The following RSF1 variants were observed in gnomAD, a reference collection of about 807,000 sequenced individuals.
The protein encoded by RSF1 is HBV pX-associated protein 8.
RSF1 carries 13 observed loss-of-function variants against 145.2 expected under a neutral mutation model. That is an observed-to-expected ratio of 0.09 (90% CI 0.06 to 0.14). The LOEUF (loss-of-function observed/expected upper bound fraction) is 0.14, where lower values mean the gene tolerates loss of function less well. Ranked by LOEUF, RSF1 falls within the 10% of genes least tolerant of loss-of-function variation. The pLI is 1.00. For synonymous variants in RSF1, 577 were observed against 592.6 expected, an observed-to-expected ratio of 0.97 and a Z score of 0.38; for missense variants, 1,517 against 1,718.2, an observed-to-expected ratio of 0.88 and a Z score of 2.07.
At chr11:77,745,189 T>C (rs1185052298) in intron 3 of RSF1, among the ~76,000 whole-genome samples, 1 of 152,152 alleles carries the variant, frequency 6.6e-6, no homozygotes, top group South Asian at 2.1e-4. Context: ...TAGCTAAAGG[T>C]TGTCAGTTTT....
chr11:77,785,654 T>G (rs1948446787), intron 1 of RSF1, among the ~76,000 whole-genome samples: 1 of 151,534 alleles, frequency 6.6e-6, no homozygotes, highest in South Asian at 2.1e-4. Flanking sequence ...GATATGAATT[T>G]TTAAAAGAGC....
chr11:77,869,239 T>G, the RSF1 span: 1 of 187,614 alleles, frequency 5.3e-6, no homozygotes, highest in Admixed American at 5.7e-5. Context: ...CAAAAGGTCC[T>G]GAGCCTTTTA....
chr11:77,820,504 C>T (rs1264075430), intron 1 of RSF1, 24 bp downstream of exon 1: 4 of 1,544,980 alleles, frequency 2.6e-6, no homozygotes, highest in Admixed American at 4.0e-5. Context: ...CGCTTCCCGC[C>T]GGGCGTTCGG....
At chr11:77,838,220 G>C in the RSF1 span, among the ~76,000 whole-genome samples, 1 of 152,200 alleles carries the variant, frequency 6.6e-6, no homozygotes, top group Non-Finnish European at 1.5e-5. Flanking sequence ...GATGTAGACT[G>C]TGACTGTTAG....
At chr11:77,824,081 G>C (rs145685933), upstream of RSF1, among the ~76,000 whole-genome samples, 1 of 152,212 alleles carries the variant, frequency 6.6e-6, no homozygotes, top group Non-Finnish European at 1.5e-5. Context: ...CCAAAGATAA[G>C]AAGTGTTTTG....
chr11:77,865,046 T>C, the RSF1 span, among the ~76,000 whole-genome samples: 2 of 152,202 alleles, frequency 1.3e-5, no homozygotes, highest in Non-Finnish European at 2.9e-5. Flanking sequence ...TGGACCCATA[T>C]AGTTGAATTC....
intron 4 of RSF1, chr11:77,734,338 AG>A (rs1261599729): frequency 3.8e-6 from 2 of 523,760 alleles, no homozygotes; most frequent in Non-Finnish European, 6.7e-6. Flanking sequence ...CTTCATCTGA[AG>A]GAATGGCACA....
upstream of RSF1, among the ~76,000 whole-genome samples, chr11:77,823,613 C>A (rs1020830872): frequency 7.7e-6 from 1 of 130,456 alleles, no homozygotes; most frequent in African/African-American, 2.9e-5. Context: ...CAGAACTACA[C>A]CCTGTCTCAA....
At chr11:77,720,673 T>TA (rs1005595245) in intron 5 of RSF1, among the ~76,000 whole-genome samples, 1 of 152,190 alleles carries the variant, frequency 6.6e-6, no homozygotes, top group African/African-American at 2.4e-5. Flanking sequence ...CCTTGAAGTA[T>TA]AATCAGACTT....
At chr11:77,864,156 A>C in the RSF1 span, among the ~76,000 whole-genome samples, 11 of 151,826 alleles carry the variant, frequency 7.2e-5, no homozygotes, top group African/African-American at 2.7e-4. Context: ...CGAACTCCTG[A>C]CCTCAGGTGA....
chr11:77,774,573 AAAATAAATAAATAAATAAATAAATAAAT>A (rs59146627), intron 1 of RSF1, among the ~76,000 whole-genome samples: 11 of 133,056 alleles, frequency 8.3e-5, no homozygotes, highest in African/African-American at 3.1e-4. Context: ...TCTGTCTCAA[AAAATAAATAAATAAATAAATAAATAAAT>A]AAATAAATAA....
intron 1 of RSF1, among the ~76,000 whole-genome samples, chr11:77,780,818 C>A (rs7119665): frequency 0.24 from 25,603 of 106,124 alleles, 2,785 homozygotes; most frequent in African/African-American, 0.38. Context: ...GAGCGAGACT[C>A]CGTCTCAAAA....
At chr11:77,828,851 C>A in the RSF1 span, among the ~76,000 whole-genome samples, 1 of 152,162 alleles carries the variant, frequency 6.6e-6, no homozygotes, top group African/African-American at 2.4e-5. Flanking sequence ...CAGCTGGCTT[C>A]TTTGCAGAAA....
At chr11:77,697,763 T>C (rs1024808880) in intron 7 of RSF1, among the ~76,000 whole-genome samples, 11 of 151,774 alleles carry the variant, frequency 7.2e-5, no homozygotes, top group African/African-American at 2.7e-4. Flanking sequence ...CATGTGATGT[T>C]TTAATAAAGG....
At chr11:77,826,569 G>A in the RSF1 span, among the ~76,000 whole-genome samples, 1 of 152,094 alleles carries the variant, frequency 6.6e-6, no homozygotes, top group Non-Finnish European at 1.5e-5. Flanking sequence ...GTATTTACAT[G>A]CCAGTTGCAG....
chr11:77,823,560 T>C (rs893759834), upstream of RSF1, among the ~76,000 whole-genome samples: 3 of 143,210 alleles, frequency 2.1e-5, no homozygotes, highest in Non-Finnish European at 4.5e-5. Context: ...TGAGACCTCA[T>C]CTGTAATCCC....
chr11:77,760,655 A>G (rs184670219), intron 2 of RSF1, among the ~76,000 whole-genome samples: 1 of 152,360 alleles, frequency 6.6e-6, no homozygotes, highest in African/African-American at 2.4e-5. Context: ...ATACAACAGT[A>G]AAGGAACATC....
Position 77,665,152 on chromosome 11 carries a change from A to G in RSF1, c.*1765T>C, listed in dbSNP as rs1959330124. Reference sequence around the variant, plus strand: ...GGGCAATACCTGTTGAAGAAGGAAAAGGAGTATAAAGTTCCTAGAGAGGTA... The same window carrying G: ...GGGCAATACCTGTTGAAGAAGGAAAGGGAGTATAAAGTTCCTAGAGAGGTA... On this transcript the variant is annotated 3_prime_UTR_variant, in exon 16 of 16. Coordinates refer to ENST00000308488, the MANE Select transcript of RSF1 (RefSeq NM_016578.4). 1 of 152,238 alleles carries G rather than the reference A, an allele frequency of 6.6e-6. No individual in the cohort carries two copies. The highest frequency in any genetic ancestry group is 2.4e-5 in the African/African-American group (1 of 41,458). 9.4% of individuals were successfully genotyped at this position (152,238 alleles called of 1,614,324 possible). A position where few individuals can be genotyped will look rare whatever the true frequency, so the allele number is the denominator to read the frequency against.
intron 7 of RSF1, among the ~76,000 whole-genome samples, chr11:77,695,548 C>A (rs964465512): frequency 6.6e-6 from 1 of 152,116 alleles, no homozygotes; most frequent in Non-Finnish European, 1.5e-5. Flanking sequence ...GAAGCTCTTT[C>A]AGGTTGTCTC....
Sources: gnomAD v4.1 joint callset for allele counts (sites outside exome capture counted in the v4.1 genomes callset) on GRCh38, gnomAD v4.1.1 for gene constraint, MANE v1.5 for transcripts, NCBI Gene and HGNC (gene_info 2026-07-23, HGNC 2026-07-21) for gene names.